Variants in CDH11 observed in about 807,000 individuals in gnomAD.
CDH11 encodes the protein cadherin-11.
CDH11 carries 11 observed loss-of-function variants against 67.8 expected under a neutral mutation model. The ratio of observed to expected loss-of-function variants is 0.16; its 90% CI spans 0.10 to 0.27. The LOEUF is 0.27. CDH11 is among the 10% of genes least tolerant of loss of function. The pLI, the probability that CDH11 is intolerant of heterozygous loss-of-function variation, is 1.00. For missense variants in CDH11, 847 were observed against 1,031.2 expected, an observed-to-expected ratio of 0.82 and a Z score of 2.45; for synonymous variants, 419 against 400.0, an observed-to-expected ratio of 1.05 and a Z score of -0.57.
intron 1 of CDH11, among the ~76,000 whole-genome samples, chr16:65,078,263 C>G (rs1223793325): frequency 6.6e-6 from 1 of 152,166 alleles, no homozygotes; most frequent in Admixed American, 6.5e-5. Context: ...GCTGCTATTT[C>G]CATGTGTAGA....
At chr16:65,001,150 G>T (rs181572086) in intron 3 of CDH11, among the ~76,000 whole-genome samples, 1 of 152,224 alleles carries the variant, frequency 6.6e-6, no homozygotes, top group East Asian at 1.9e-4. Flanking sequence ...TCAGCTCGGG[G>T]GTTACCTGTA....
chr16:65,040,047 G>T (rs1321652925), intron 2 of CDH11, among the ~76,000 whole-genome samples: 12 of 152,140 alleles, frequency 7.9e-5, no homozygotes, highest in Admixed American at 7.9e-4. Context: ...TCATTAAAAA[G>T]TCAGGAAACA....
At position 64,951,030 on chromosome 16, in the gene CDH11, G is replaced by A. The variant is rs911983831; in HGVS notation, c.1643-12C>T. 6.2e-7 allele frequency: 1 copy of A among 1,609,370 alleles called. No homozygotes were observed. The highest frequency in any genetic ancestry group is 1.3e-5 in the African/African-American group (1 of 75,012). ...GCCTGCTGTGTTATCTGCAGAAAGA[G>A]GGGAGACAGGCCGTGCGCCCAGTCA... On this transcript the variant is annotated splice_polypyrimidine_tract_variant and intron_variant, in intron 11 of 12. Transcript: ENST00000268603.
chr16:65,103,957 T>C (rs1370303207), intron 1 of CDH11, among the ~76,000 whole-genome samples: 1 of 152,206 alleles, frequency 6.6e-6, no homozygotes, highest in Non-Finnish European at 1.5e-5. Flanking sequence ...TTTTACTTTT[T>C]TAATTTGACT....
chr16:65,105,953 T>A (rs143697985), intron 1 of CDH11, among the ~76,000 whole-genome samples: 2 of 152,262 alleles, frequency 1.3e-5, no homozygotes, highest in Admixed American at 1.3e-4. Flanking sequence ...TTACATGCTT[T>A]GTTTTCACAA....
At chr16:65,073,411 G>T in intron 1 of CDH11, among the ~76,000 whole-genome samples, 1 of 152,260 alleles carries the variant, frequency 6.6e-6, no homozygotes, top group Admixed American at 6.5e-5. Context: ...CTCCCGAGTA[G>T]CTGGGATTAC....
chr16:65,010,660 G>A (rs955357776), intron 2 of CDH11, among the ~76,000 whole-genome samples: 4 of 151,996 alleles, frequency 2.6e-5, no homozygotes, highest in Non-Finnish European at 4.4e-5. Context: ...AGACCCCAGC[G>A]CTCTGCAAAG....
chr16:64,975,200 T>C (rs1420369379), intron 8 of CDH11, among the ~76,000 whole-genome samples: 1 of 152,194 alleles, frequency 6.6e-6, no homozygotes, highest in Non-Finnish European at 1.5e-5. Context: ...ACTCACACAT[T>C]GCAACCAACA....
At chr16:65,112,115 T>A (rs1395752898) in intron 1 of CDH11, among the ~76,000 whole-genome samples, 1 of 151,408 alleles carries the variant, frequency 6.6e-6, no homozygotes, top group Non-Finnish European at 1.5e-5. Flanking sequence ...GAGGAAGAAT[T>A]ACATCTATCC....
chr16:64,945,657 C>T lies in CDH11; in HGVS notation c.*1946G>A. ...TAATCCTTCACTGAGATGAAAGATT[C>T]TAAAGTGACATTGTCCACAAAATGT... On this transcript the variant is annotated 3_prime_UTR_variant, in exon 13 of 13. Transcript: ENST00000268603. 1 of 1,037,228 alleles carries T rather than the reference C, an allele frequency of 9.6e-7. No homozygotes were observed. The highest frequency in any genetic ancestry group is 1.2e-6 in the Non-Finnish European group (1 of 861,284). The allele number at this position is 1,037,228 out of a possible 1,614,324, so 64.3% of individuals were successfully genotyped here.
intron 6 of CDH11, among the ~76,000 whole-genome samples, chr16:64,990,409 T>TG (rs1378878687): frequency 6.6e-6 from 1 of 152,170 alleles, no homozygotes; most frequent in Non-Finnish European, 1.5e-5. Flanking sequence ...TAGCCTTCCT[T>TG]GTTATCTCAT....
intron 1 of CDH11, among the ~76,000 whole-genome samples, chr16:65,081,556 G>A (rs1486713010): frequency 6.8e-6 from 1 of 147,670 alleles, no homozygotes; most frequent in Non-Finnish European, 1.5e-5. Context: ...GTGACTGAAC[G>A]AGACTCTGTC....
At chr16:65,024,364 G>A (rs1004239838) in intron 2 of CDH11, among the ~76,000 whole-genome samples, 8 of 151,932 alleles carry the variant, frequency 5.3e-5, no homozygotes, top group African/African-American at 7.3e-5. Flanking sequence ...AGAATTAACC[G>A]GGAAACCTTA....
intron 7 of CDH11, among the ~76,000 whole-genome samples, chr16:64,983,682 T>G (rs898571082): frequency 6.6e-6 from 1 of 152,200 alleles, no homozygotes; most frequent in Non-Finnish European, 1.5e-5. Context: ...TTCCTAAATC[T>G]AAATCTGCCC....
At chr16:64,955,820 A>G (rs1240012206) in intron 11 of CDH11, among the ~76,000 whole-genome samples, 1 of 152,190 alleles carries the variant, frequency 6.6e-6, no homozygotes, top group Non-Finnish European at 1.5e-5. Context: ...AAATAGAAAT[A>G]TAAACAAACT....
chr16:65,045,880 A>T (rs1249730523), intron 2 of CDH11, among the ~76,000 whole-genome samples: 1 of 152,128 alleles, frequency 6.6e-6, no homozygotes, highest in Non-Finnish European at 1.5e-5. Context: ...AGGAGCATGC[A>T]CATGTCTTGG....
chr16:65,034,132 A>G (rs1195966635), intron 2 of CDH11, among the ~76,000 whole-genome samples: 3 of 152,186 alleles, frequency 2.0e-5, no homozygotes, highest in Non-Finnish European at 4.4e-5. Context: ...AGTCATTTGA[A>G]TGGGCCCTAA....
chr16:65,119,668 G>C (rs1015330443), intron 1 of CDH11, among the ~76,000 whole-genome samples: 35 of 152,256 alleles, frequency 2.3e-4, no homozygotes, highest in African/African-American at 7.9e-4. Flanking sequence ...GGGTGAGGAG[G>C]GTGGTTTATT....
chr16:64,946,403 C>T lies in CDH11; in HGVS notation c.*1200G>A, dbSNP rs1235674079. ...ACCTGGAACATTAGAGTTCTGATAG[C>T]TCCATTCCCTCATGGATTCATCTCT... On this transcript the variant is annotated 3_prime_UTR_variant, in exon 13 of 13. Transcript: ENST00000268603. The T allele has an allele frequency of 9.7e-7, 1 of 1,035,232 alleles. No homozygotes were observed. The highest frequency in any genetic ancestry group is 1.2e-6 in the Non-Finnish European group (1 of 859,908). The allele number at this position is 1,035,232 out of a possible 1,614,324, so 64.1% of individuals were successfully genotyped here.
Sources: gnomAD v4.1 joint callset for allele counts (sites outside exome capture counted in the v4.1 genomes callset) on GRCh38, gnomAD v4.1.1 for gene constraint, MANE v1.5 for transcripts, NCBI Gene and HGNC (gene_info 2026-07-23, HGNC 2026-07-21) for gene names.